The following PPFIA2 variants were observed in gnomAD, a reference collection of about 807,000 sequenced individuals.
PPFIA2 encodes the protein liprin-alpha-2.
PPFIA2 carries 46 observed loss-of-function variants against 175.5 expected under a neutral mutation model. The ratio of observed to expected loss-of-function variants is 0.26; its 90% CI spans 0.21 to 0.34. The LOEUF (loss-of-function observed/expected upper bound fraction) is 0.34. Ranked by LOEUF, PPFIA2 falls within the 10% of genes least tolerant of loss-of-function variation. The pLI, the probability that PPFIA2 is intolerant of heterozygous loss-of-function variation, is 1.00. For missense variants in PPFIA2, 1,179 were observed against 1,506.1 expected (o/e 0.78, Z 3.60); for synonymous variants, 568 against 511.4 (o/e 1.11, Z -1.49).
chr12:81,579,615 C>T (rs779229293), intron 4 of PPFIA2, among the ~76,000 whole-genome samples: 57 of 151,762 alleles, frequency 3.8e-4, no homozygotes, highest in Non-Finnish European at 8.0e-4. Flanking sequence ...ATGCATACAT[C>T]AATTGGAGTT....
chr12:81,329,198 A>C (rs2055549135), intron 21 of PPFIA2, among the ~76,000 whole-genome samples: 1 of 152,116 alleles, frequency 6.6e-6, no homozygotes, highest in African/African-American at 2.4e-5. Context: ...TCTATTAGGA[A>C]ACTATGTGGA....
intron 19 of PPFIA2, among the ~76,000 whole-genome samples, chr12:81,342,739 C>T (rs1222521318): frequency 6.6e-6 from 1 of 151,952 alleles, no homozygotes; most frequent in Non-Finnish European, 1.5e-5. Flanking sequence ...GTGATCCCAC[C>T]ATGACTCTTC....
intron 3 of PPFIA2, among the ~76,000 whole-genome samples, chr12:81,711,917 C>A (rs956300695): frequency 6.7e-6 from 1 of 150,228 alleles, no homozygotes; most frequent in African/African-American, 2.4e-5. Context: ...ATAACCATTT[C>A]TTATACTTCT....
chr12:81,722,369 A>C (rs2079469201), intron 3 of PPFIA2, among the ~76,000 whole-genome samples: 1 of 151,184 alleles, frequency 6.6e-6, no homozygotes, highest in African/African-American at 2.4e-5. Flanking sequence ...AATGAGATTT[A>C]CTGTCCATCA....
At chr12:81,611,537 G>A (rs893303647) in intron 4 of PPFIA2, among the ~76,000 whole-genome samples, 2 of 152,158 alleles carry the variant, frequency 1.3e-5, no homozygotes, top group Admixed American at 1.3e-4. Context: ...ATTCAGCAGG[G>A]CCGTGGAGGC....
At chr12:81,298,753 GTTC>G (rs1487270794) in intron 23 of PPFIA2, among the ~76,000 whole-genome samples, 4 of 152,302 alleles carry the variant, frequency 2.6e-5, no homozygotes, top group African/African-American at 7.2e-5. Flanking sequence ...GCTGAAAATA[GTTC>G]TTCTTTTATT....
At chr12:81,371,948 C>A (rs1174304648) in intron 11 of PPFIA2, among the ~76,000 whole-genome samples, 1 of 150,886 alleles carries the variant, frequency 6.6e-6, no homozygotes, top group Non-Finnish European at 1.5e-5. Context: ...CACACACAAA[C>A]ACATTAGAAG....
chr12:81,291,634 C>T (rs1350875048), intron 24 of PPFIA2, among the ~76,000 whole-genome samples: 1 of 151,802 alleles, frequency 6.6e-6, no homozygotes, highest in Non-Finnish European at 1.5e-5. Flanking sequence ...TTTATTTCGT[C>T]TAGTGTGAGA....
intron 3 of PPFIA2, among the ~76,000 whole-genome samples, chr12:81,750,748 A>G (rs556098035): frequency 9.4e-4 from 143 of 152,316 alleles, no homozygotes; most frequent in Non-Finnish European, 1.8e-3. Flanking sequence ...ATACTTTTAT[A>G]AAGAAATAAT....
intron 4 of PPFIA2, among the ~76,000 whole-genome samples, chr12:81,491,902 C>A (rs554108343): frequency 5.1e-4 from 78 of 152,102 alleles, no homozygotes; most frequent in Middle Eastern, 3.4e-3. Flanking sequence ...TTCTGCTGTT[C>A]AATTTAGCCT....
At chr12:81,659,462 A>G (rs971790127) in intron 4 of PPFIA2, among the ~76,000 whole-genome samples, 4 of 152,200 alleles carry the variant, frequency 2.6e-5, no homozygotes, top group African/African-American at 7.2e-5. Flanking sequence ...CATTGCTAGC[A>G]CAGCAGTCTG....
chr12:81,552,057 T>C (rs549379421), intron 4 of PPFIA2, among the ~76,000 whole-genome samples: 12 of 151,780 alleles, frequency 7.9e-5, no homozygotes, highest in Admixed American at 7.9e-4. Flanking sequence ...ACAATTTTAA[T>C]AGATAAAATT....
chr12:81,728,032 G>A (rs1568028720), intron 3 of PPFIA2, among the ~76,000 whole-genome samples: 2 of 151,336 alleles, frequency 1.3e-5, no homozygotes, highest in Admixed American at 6.6e-5. Flanking sequence ...AAACATATTA[G>A]GAACATAATA....
At chr12:81,474,789 A>G (rs1049680474) in intron 4 of PPFIA2, among the ~76,000 whole-genome samples, 2 of 152,192 alleles carry the variant, frequency 1.3e-5, no homozygotes, top group African/African-American at 4.8e-5. Flanking sequence ...GAATTAAAGA[A>G]GGTTTAGCCT....
intron 4 of PPFIA2, among the ~76,000 whole-genome samples, chr12:81,671,366 T>C (rs917902803): frequency 2.6e-5 from 4 of 151,924 alleles, no homozygotes; most frequent in East Asian, 3.9e-4. Context: ...TTATTAACCA[T>C]CTAATTTTTT....
intron 4 of PPFIA2, among the ~76,000 whole-genome samples, chr12:81,631,278 C>T (rs975283569): frequency 6.6e-6 from 1 of 152,018 alleles, no homozygotes; most frequent in East Asian, 1.9e-4. Context: ...CCTAACAGAA[C>T]ATTTCCAGTT....
chr12:81,585,556 C>T (rs2153434763), intron 4 of PPFIA2, among the ~76,000 whole-genome samples: 1 of 151,830 alleles, frequency 6.6e-6, no homozygotes, highest in African/African-American at 2.4e-5. Flanking sequence ...TGCACATTAG[C>T]CCAGGCCCAC....
intron 4 of PPFIA2, among the ~76,000 whole-genome samples, chr12:81,526,935 C>T (rs141236422): frequency 4.6e-5 from 7 of 152,054 alleles, no homozygotes; most frequent in East Asian, 1.9e-4. Flanking sequence ...AGTTAAAATA[C>T]AGAATTATTC....
At chr12:81,593,965 T>C (rs2058971273) in intron 4 of PPFIA2, among the ~76,000 whole-genome samples, 1 of 152,156 alleles carries the variant, frequency 6.6e-6, no homozygotes, top group Non-Finnish European at 1.5e-5. Flanking sequence ...GCTTCATCTG[T>C]ATTTACAGCT....
Sources: gnomAD v4.1 joint callset for allele counts (sites outside exome capture counted in the v4.1 genomes callset) on GRCh38, gnomAD v4.1.1 for gene constraint, MANE v1.5 for transcripts, NCBI Gene and HGNC (gene_info 2026-07-23, HGNC 2026-07-21) for gene names.